The following WWOX variants were observed in gnomAD, a reference collection of about 807,000 sequenced individuals.
WWOX encodes WW domain containing oxidoreductase.
In WWOX, 69 loss-of-function variants were observed where a neutral mutation model predicts 46.2. The ratio of observed to expected loss-of-function variants is 1.49; its 90% CI spans 1.23 to 1.82. WWOX has a LOEUF of 1.82. Among genes scored for constraint, WWOX ranks in the 40% most tolerant of loss-of-function variants. WWOX has a pLI of 0.00. For missense variants in WWOX, 919 were observed against 542.6 expected (o/e 1.69, Z -6.89); for synonymous variants, 359 against 202.6 (o/e 1.77, Z -6.56).
intron 8 of WWOX, among the ~76,000 whole-genome samples, chr16:79,200,788 T>C (rs968178931): frequency 6.6e-6 from 1 of 152,130 alleles, no homozygotes; most frequent in Non-Finnish European, 1.5e-5. Flanking sequence ...TCTGTGCTGA[T>C]ATTGTACCTG....
intron 8 of WWOX, among the ~76,000 whole-genome samples, chr16:78,515,386 T>C (rs2085463983): frequency 1.3e-5 from 2 of 152,220 alleles, no homozygotes; most frequent in East Asian, 3.9e-4. Context: ...TCGTAGTTAC[T>C]TAACTAACAC....
At chr16:78,351,293 C>A (rs2081179464) in intron 5 of WWOX, among the ~76,000 whole-genome samples, 1 of 152,166 alleles carries the variant, frequency 6.6e-6, no homozygotes, top group Admixed American at 6.5e-5. Context: ...CTTTAAATCC[C>A]TTTACTTTTT....
chr16:78,388,151 C>T (rs998473683), intron 6 of WWOX, among the ~76,000 whole-genome samples: 2 of 152,192 alleles, frequency 1.3e-5, no homozygotes, highest in African/African-American at 4.8e-5. Flanking sequence ...CTGTCCCAGC[C>T]TCCTGAGTAG....
At chr16:78,441,456 C>G (rs901147994) in intron 8 of WWOX, among the ~76,000 whole-genome samples, 2 of 152,122 alleles carry the variant, frequency 1.3e-5, no homozygotes, top group African/African-American at 2.4e-5. Context: ...AAAGATAAGG[C>G]AAGGAGACCT....
chr16:78,574,149 C>G (rs906033487), intron 8 of WWOX, among the ~76,000 whole-genome samples: 2 of 152,178 alleles, frequency 1.3e-5, no homozygotes, highest in Admixed American at 6.5e-5. Context: ...TCCTGAATAT[C>G]TGGGCTTTTC....
chr16:78,536,044 G>A (rs900846457), intron 8 of WWOX, among the ~76,000 whole-genome samples: 4 of 152,146 alleles, frequency 2.6e-5, no homozygotes, highest in Non-Finnish European at 4.4e-5. Context: ...TAATGGAGTT[G>A]TTCAGAAGTT....
At chr16:78,921,104 A>C (rs968914281) in intron 8 of WWOX, among the ~76,000 whole-genome samples, 3 of 152,140 alleles carry the variant, frequency 2.0e-5, no homozygotes, top group African/African-American at 7.2e-5. Context: ...AGGGGGAAAA[A>C]AAGAGCTTCT....
intron 8 of WWOX, among the ~76,000 whole-genome samples, chr16:79,148,316 A>G (rs1458837358): frequency 6.6e-6 from 1 of 152,160 alleles, no homozygotes; most frequent in Admixed American, 6.5e-5. Flanking sequence ...TTTTAGCACC[A>G]TTTGCTGAAA....
intron 8 of WWOX, among the ~76,000 whole-genome samples, chr16:78,565,509 C>T (rs576521551): frequency 6.6e-6 from 1 of 152,346 alleles, no homozygotes; most frequent in East Asian, 1.9e-4. Flanking sequence ...TTCTCCTCAT[C>T]TGGCCCTCTG....
chr16:79,008,335 A>G (rs571722537), intron 8 of WWOX, among the ~76,000 whole-genome samples: 2 of 152,312 alleles, frequency 1.3e-5, no homozygotes, highest in Admixed American at 6.5e-5. Flanking sequence ...CCTAGCGATT[A>G]GATCAGTCCC....
intron 5 of WWOX, among the ~76,000 whole-genome samples, chr16:78,168,972 A>G (rs1232344147): frequency 3.3e-5 from 5 of 152,240 alleles, no homozygotes; most frequent in African/African-American, 1.2e-4. Flanking sequence ...CATGGACAGT[A>G]CAGAAGTAAA....
chr16:78,370,976 A>ATGTCTTTTTTTTTTTTTTTT (rs776317489), intron 5 of WWOX, among the ~76,000 whole-genome samples: 1 of 128,588 alleles, frequency 7.8e-6, no homozygotes, highest in African/African-American at 2.9e-5. Context: ...CTGTGTTGTG[A>ATGTCTTTTTTTTTTTTTTTT]TTTCTTTTTT....
intron 8 of WWOX, among the ~76,000 whole-genome samples, chr16:79,031,881 G>GTT (rs2047765086): frequency 6.2e-5 from 3 of 48,074 alleles, no homozygotes; most frequent in South Asian, 1.0e-3. Context: ...TCTATATACA[G>GTT]ATATCTGTAT....
Position 78,735,426 on chromosome 16 carries a change from C to CACACACACAA in WWOX, c.1056+302674_1056+302675insACACACACAA, listed in dbSNP as rs57609552. On this transcript the variant is annotated intron_variant, in intron 8 of 8. Coordinates refer to ENST00000566780, the MANE Select transcript of WWOX (RefSeq NM_016373.4). ...ACACACACACACACACACACACACA[C>CACACACACAA]TAATATGGTTCTGATTCTCTGGAGA... is the stretch of plus-strand genomic sequence containing the variant. Among the ~76,000 whole-genome samples, 1,344 of 150,260 alleles carry CACACACACAA rather than the reference C, an allele frequency of 8.9e-3. 9 individuals carry two copies. Among genetic ancestry groups the CACACACACAA allele is most frequent in the African/African-American group, 8.9e-3 (364 of 40,766 alleles).
intron 8 of WWOX, among the ~76,000 whole-genome samples, chr16:79,011,603 C>G (rs1474679443): frequency 6.6e-6 from 1 of 151,424 alleles, no homozygotes; most frequent in Non-Finnish European, 1.5e-5. Context: ...GTCGATCCTC[C>G]CACTTCAGCC....
At chr16:79,131,809 A>C (rs1017421598) in intron 8 of WWOX, among the ~76,000 whole-genome samples, 14 of 152,150 alleles carry the variant, frequency 9.2e-5, no homozygotes, top group Non-Finnish European at 1.6e-4. Flanking sequence ...AATCGGTTTA[A>C]TGGACTTACA....
intron 8 of WWOX, among the ~76,000 whole-genome samples, chr16:78,659,096 A>AC (rs2047149592): frequency 2.7e-5 from 4 of 148,976 alleles, no homozygotes; most frequent in African/African-American, 1.0e-4. Context: ...CGTCTCAAAA[A>AC]AAAACAAACA....
intron 4 of WWOX, among the ~76,000 whole-genome samples, chr16:78,124,764 T>C (rs1007918506): frequency 6.6e-6 from 1 of 152,176 alleles, no homozygotes; most frequent in Non-Finnish European, 1.5e-5. Context: ...AGGCTGTGCT[T>C]GATGGTTTTA....
At chr16:78,119,705 A>T (rs1283224112) in intron 4 of WWOX, among the ~76,000 whole-genome samples, 1 of 151,310 alleles carries the variant, frequency 6.6e-6, no homozygotes, top group Non-Finnish European at 1.5e-5. Context: ...GGTTCAAGTG[A>T]TCCTCCCACC....
Sources: gnomAD v4.1 joint callset for allele counts (sites outside exome capture counted in the v4.1 genomes callset) on GRCh38, gnomAD v4.1.1 for gene constraint, MANE v1.5 for transcripts, NCBI Gene and HGNC (gene_info 2026-07-23, HGNC 2026-07-21) for gene names.